The following DPP10 variants were observed in gnomAD, a reference collection of about 807,000 sequenced individuals.
DPP10 encodes the protein inactive dipeptidyl peptidase 10.
DPP10 carries 33 observed loss-of-function variants against 120.9 expected under a neutral mutation model. The ratio of observed to expected loss-of-function variants is 0.27; its 90% CI spans 0.21 to 0.37. The LOEUF is 0.37. Among genes scored for constraint, DPP10 ranks in the 10% least tolerant of loss-of-function variants. The pLI, the probability that DPP10 is intolerant of heterozygous loss-of-function variation, is 1.00. For missense variants in DPP10, 816 were observed against 942.8 expected (o/e 0.87, Z 1.76); for synonymous variants, 337 against 326.1 (o/e 1.03, Z -0.36).
At chr2:114,772,488 C>T (rs1378125045) in intron 1 of DPP10, among the ~76,000 whole-genome samples, 1 of 152,070 alleles carries the variant, frequency 6.6e-6, no homozygotes, top group African/African-American at 2.4e-5. Flanking sequence ...AAAATCAAAA[C>T]AGAACATATT....
intron 1 of DPP10, among the ~76,000 whole-genome samples, chr2:114,973,845 C>T (rs777224080): frequency 6.6e-6 from 1 of 151,690 alleles, no homozygotes; most frequent in Non-Finnish European, 1.5e-5. Context: ...CCTGACCCTA[C>T]GGAGGCCTAG....
rs17729790 is a variant in DPP10 at position 114,774,912 on chromosome 2, C to T, written c.60+332074C>T. ...TTATGGAACGAACCCTGTTTAAACTCTTCATACCATATAATTCTCTAAGCA... is the reference window on the plus strand; with the variant it reads ...TTATGGAACGAACCCTGTTTAAACTTTTCATACCATATAATTCTCTAAGCA... On this transcript the variant is annotated intron_variant, in intron 1 of 25. Transcript: ENST00000410059. 5.9e-3 allele frequency among the ~76,000 whole-genome samples: 899 copies of T among 152,022 alleles called. 8 individuals are homozygous for T. Among genetic ancestry groups the T allele is most frequent in the Admixed American group, 8.6e-3 (131 of 15,252 alleles).
Position 114,874,931 on chromosome 2 carries a change from A to G in DPP10, c.60+432093A>G, listed in dbSNP as rs767845141. Reference sequence around the variant, plus strand: ...CCCTTATACTACTAGAGAGAAGGCAAGTGGTTTCTTTGCTGTTCAGGTATA... The same window carrying G: ...CCCTTATACTACTAGAGAGAAGGCAGGTGGTTTCTTTGCTGTTCAGGTATA... On this transcript the variant is annotated intron_variant, in intron 1 of 25. Coordinates refer to ENST00000410059, the MANE Select transcript of DPP10 (RefSeq NM_020868.6). 3.8e-4 allele frequency among the ~76,000 whole-genome samples: 58 copies of G among 152,270 alleles called. No homozygotes were observed. The Middle Eastern group carries it at 0.01, about 27-fold the overall frequency.
In DPP10 at chr2:114,487,195, A is replaced by G. The variant is rs148154807; in HGVS notation, c.60+44357A>G. On this transcript the variant is annotated intron_variant, in intron 1 of 25. Transcript: ENST00000410059. ...GCCCTTGCACACATTTAAAGTTCAA[A>G]TATTTCCTGTACGGATAGTTGCTTT... Among the ~76,000 whole-genome samples, 13 of 152,306 alleles carry G rather than the reference A, an allele frequency of 8.5e-5. No homozygotes were observed. The East Asian group carries it at 2.3e-3, about 27-fold the overall frequency.
chr2:115,248,266 C>A (rs948694315), intron 1 of DPP10, among the ~76,000 whole-genome samples: 4 of 152,096 alleles, frequency 2.6e-5, no homozygotes, highest in African/African-American at 9.7e-5. Context: ...AGTATGAGTC[C>A]CACAGGAGAA....
chr2:115,411,502 AG>A (rs2068954139), intron 3 of DPP10, among the ~76,000 whole-genome samples: 3 of 152,170 alleles, frequency 2.0e-5, no homozygotes. Context: ...AAGTATTGAA[AG>A]GGGGAGGGAA....
intron 3 of DPP10, among the ~76,000 whole-genome samples, chr2:115,451,651 A>C (rs2073115758): frequency 6.6e-6 from 1 of 151,970 alleles, no homozygotes; most frequent in Admixed American, 6.6e-5. Flanking sequence ...CATGAAATTT[A>C]TGTCTTTTAA....
intron 5 of DPP10, among the ~76,000 whole-genome samples, chr2:115,573,792 T>G (rs984722922): frequency 2.6e-5 from 4 of 152,036 alleles, no homozygotes. Flanking sequence ...TGTCCTCAAC[T>G]GATCTGCCCG....
intron 1 of DPP10, among the ~76,000 whole-genome samples, chr2:114,649,091 T>C (rs1696368460): frequency 6.6e-6 from 1 of 152,228 alleles, no homozygotes; most frequent in South Asian, 2.1e-4. Context: ...GACATTTCTG[T>C]CTATTTTCCA....
At chr2:115,574,832 T>A (rs2081552708) in intron 5 of DPP10, among the ~76,000 whole-genome samples, 1 of 152,182 alleles carries the variant, frequency 6.6e-6, no homozygotes, top group Non-Finnish European at 1.5e-5. Flanking sequence ...GTCCCCTTGA[T>A]CCATGATTCT....
At chr2:114,973,846 G>A (rs1321434973) in intron 1 of DPP10, among the ~76,000 whole-genome samples, 4 of 151,832 alleles carry the variant, frequency 2.6e-5, no homozygotes, top group Non-Finnish European at 4.4e-5. Context: ...CTGACCCTAC[G>A]GAGGCCTAGG....
rs1445483660 is a variant in DPP10 at position 114,685,160 on chromosome 2, T to C, written c.60+242322T>C. Among the ~76,000 whole-genome samples, 8 of 152,100 alleles carry C rather than the reference T, an allele frequency of 5.3e-5. No homozygotes were observed. The East Asian group carries it at 1.2e-3, about 22-fold the overall frequency. On this transcript the variant is annotated intron_variant, in intron 1 of 25. Transcript: ENST00000410059. ...TGAGAATTTTTCATTGATTCCTCTT[T>C]CTCTTCCTAGCTGTGAAATATTATA... is the stretch of plus-strand genomic sequence containing the variant.
chr2:114,472,846 T>C (rs1680037568), intron 1 of DPP10, among the ~76,000 whole-genome samples: 1 of 152,210 alleles, frequency 6.6e-6, no homozygotes. Flanking sequence ...AGTAAGTTGG[T>C]GTAAAATCCT....
intron 5 of DPP10, among the ~76,000 whole-genome samples, chr2:115,604,233 G>T (rs2083551659): frequency 6.6e-6 from 1 of 151,988 alleles, no homozygotes; most frequent in Admixed American, 6.6e-5. Flanking sequence ...TCTTAGGGTT[G>T]TCCTCCTGAG....
At chr2:115,359,670 G>C (rs1020272628) in intron 3 of DPP10, among the ~76,000 whole-genome samples, 2 of 152,234 alleles carry the variant, frequency 1.3e-5, no homozygotes, top group Admixed American at 1.3e-4. Context: ...TCTTTCATGA[G>C]ATTGGGTAAA....
intron 4 of DPP10, among the ~76,000 whole-genome samples, chr2:115,520,232 TG>T: frequency 6.6e-6 from 1 of 151,968 alleles, no homozygotes; most frequent in Non-Finnish European, 1.5e-5. Context: ...GCAGGAGAAC[TG>T]CATGAACCTG....
chr2:115,808,122 G>T (rs1162013277), intron 19 of DPP10, among the ~76,000 whole-genome samples: 1 of 152,180 alleles, frequency 6.6e-6, no homozygotes. Flanking sequence ...ACACGTGTTC[G>T]AGAGATACAC....
At chr2:114,617,682 G>T (rs1033822362) in intron 1 of DPP10, among the ~76,000 whole-genome samples, 1 of 152,036 alleles carries the variant, frequency 6.6e-6, no homozygotes, top group Admixed American at 6.6e-5. Flanking sequence ...ATAAAGATAA[G>T]CACCAAGTTT....
chr2:114,832,800 A>T (rs1219395449), intron 1 of DPP10, among the ~76,000 whole-genome samples: 2 of 152,178 alleles, frequency 1.3e-5, no homozygotes, highest in African/African-American at 4.8e-5. Context: ...TGCTATGTCT[A>T]TAGACCTCAT....
Sources: allele counts gnomAD v4.1 joint callset (sites outside exome capture counted in the v4.1 genomes callset), GRCh38; gene constraint gnomAD v4.1.1; transcripts MANE v1.5; gene names NCBI Gene and HGNC (gene_info 2026-07-23, HGNC 2026-07-21).